Variants in NBEA observed in about 807,000 individuals in gnomAD.
The protein encoded by NBEA is neurobeachin, also known as lysosomal-trafficking regulator 2.
Under a neutral mutation model 343.4 loss-of-function variants are expected in NBEA, and 44 were observed. The observed-to-expected ratio is 0.13, with a 90% CI of 0.10 to 0.16. NBEA has a LOEUF of 0.16. Among genes scored for constraint, NBEA ranks in the 10% least tolerant of loss-of-function variants. The probability of loss-of-function intolerance (pLI) is 1.00; values close to 1 mark genes in which losing one functional copy is unlikely to be tolerated. For missense variants in NBEA, 2,555 were observed against 3,631.3 expected (o/e 0.70, Z 7.62); for synonymous variants, 1,175 against 1,238.7 (o/e 0.95, Z 1.08).
At chr13:35,366,725 T>A (rs2041140675) in intron 38 of NBEA, among the ~76,000 whole-genome samples, 1 of 150,648 alleles carries the variant, frequency 6.6e-6, no homozygotes, top group Admixed American at 6.6e-5. Context: ...ACTGAGGAAA[T>A]TGGAAAACTG....
At chr13:35,448,698 C>T (rs1011542155) in intron 39 of NBEA, among the ~76,000 whole-genome samples, 11 of 152,038 alleles carry the variant, frequency 7.2e-5, no homozygotes, top group African/African-American at 2.2e-4. Context: ...GCAGGGTTTA[C>T]GAGGTATGGT....
At chr13:35,077,750 T>C (rs2064183732) in intron 10 of NBEA, among the ~76,000 whole-genome samples, 1 of 152,198 alleles carries the variant, frequency 6.6e-6, no homozygotes, top group African/African-American at 2.4e-5. Flanking sequence ...ACTGGTTTCC[T>C]GTTGCCTCAG....
chr13:35,056,908 C>T (rs1417244642), intron 7 of NBEA, among the ~76,000 whole-genome samples: 4 of 151,954 alleles, frequency 2.6e-5, no homozygotes, highest in South Asian at 2.1e-4. Context: ...ATTACAGAAG[C>T]GGGAAGATCA....
chr13:35,604,339 T>C (rs536472646), intron 47 of NBEA, among the ~76,000 whole-genome samples: 44 of 152,282 alleles, frequency 2.9e-4, no homozygotes, highest in African/African-American at 1.0e-3. Flanking sequence ...CTCTTTTCCT[T>C]TTTCGTTGTG....
At chr13:35,054,435 C>CAT (rs2063173253) in intron 6 of NBEA, among the ~76,000 whole-genome samples, 1 of 151,912 alleles carries the variant, frequency 6.6e-6, no homozygotes, top group East Asian at 1.9e-4. Flanking sequence ...TCAGGGCTAA[C>CAT]ATATATGTTG....
chr13:35,200,833 T>C (rs1355862457), intron 31 of NBEA, among the ~76,000 whole-genome samples: 1 of 152,012 alleles, frequency 6.6e-6, no homozygotes, highest in Non-Finnish European at 1.5e-5. Flanking sequence ...ATTTTCTCTT[T>C]AGTTTCATTA....
rs373888650 is a variant in NBEA, at chr13:35,130,743, TAA to T, written c.2336+7171_2336+7172del. Reference sequence around the variant, plus strand: ...AACACACAAAACTATAGAAATTATTTAAATGAGACCATAAAGTAGGCTCAAGA... The same window carrying T: ...AACACACAAAACTATAGAAATTATTTATGAGACCATAAAGTAGGCTCAAGA... On this transcript the variant is annotated intron_variant, in intron 17 of 58. Coordinates refer to ENST00000379939, the MANE Select transcript of NBEA (RefSeq NM_001385012.1). Among the ~76,000 whole-genome samples, 1,014 of 152,056 alleles carry T rather than the reference TAA, an allele frequency of 6.7e-3. 16 individuals are homozygous for T. Among genetic ancestry groups the T allele is most frequent in the African/African-American group, 0.023 (935 of 41,540 alleles).
intron 45 of NBEA, among the ~76,000 whole-genome samples, chr13:35,575,822 T>A (rs990010173): frequency 6.6e-6 from 1 of 152,148 alleles, no homozygotes; most frequent in Non-Finnish European, 1.5e-5. Context: ...ACACAGTACA[T>A]CTGATTCTTC....
At chr13:35,102,272 A>AT (rs1438471833) in intron 11 of NBEA, among the ~76,000 whole-genome samples, 13 of 151,548 alleles carry the variant, frequency 8.6e-5, no homozygotes, top group Admixed American at 5.3e-4. Flanking sequence ...TATGACTGGG[A>AT]TTTTTTTTGT....
intron 17 of NBEA, 135 bp from the exon 18 acceptor site, chr13:35,142,134 T>C (rs1043553422): frequency 6.7e-5 from 33 of 492,800 alleles, no homozygotes; most frequent in African/African-American, 4.6e-4. Flanking sequence ...GTTGTTTCTA[T>C]AGATGGAAGT....
chr13:35,135,253 A>C (rs1003172178), intron 17 of NBEA, among the ~76,000 whole-genome samples: 4 of 152,090 alleles, frequency 2.6e-5, no homozygotes, highest in Non-Finnish European at 5.9e-5. Flanking sequence ...TTCTAGCCTC[A>C]AAATAAAATG....
At chr13:35,338,432 T>C (rs1334565176) in intron 36 of NBEA, among the ~76,000 whole-genome samples, 1 of 152,048 alleles carries the variant, frequency 6.6e-6, no homozygotes, top group Non-Finnish European at 1.5e-5. Context: ...AATCTGAGTA[T>C]TGCTGTAACA....
chr13:35,120,730 A>G (rs182585504), intron 16 of NBEA, among the ~76,000 whole-genome samples: 9 of 129,502 alleles, frequency 6.9e-5, no homozygotes, highest in Admixed American at 3.1e-4. Context: ...TGATGTTTTT[A>G]TATCTGGGAA....
chr13:35,006,493 T>C (rs541344868), intron 1 of NBEA, among the ~76,000 whole-genome samples: 81 of 150,922 alleles, frequency 5.4e-4, no homozygotes, highest in African/African-American at 1.7e-3. Context: ...ATCATTGTTA[T>C]TGATAAACAT....
chr13:35,297,644 C>T (rs1158585932), intron 35 of NBEA, among the ~76,000 whole-genome samples: 1 of 151,884 alleles, frequency 6.6e-6, no homozygotes, highest in Non-Finnish European at 1.5e-5. Flanking sequence ...TTCAATTATG[C>T]TACAAATTTA....
chr13:35,152,821 A>C (rs2152705393), intron 18 of NBEA, among the ~76,000 whole-genome samples: 1 of 152,184 alleles, frequency 6.6e-6, no homozygotes, highest in Non-Finnish European at 1.5e-5. Context: ...TGTTAAATAC[A>C]CATTGGTTTT....
At chr13:35,349,318 A>G in intron 37 of NBEA, 102 bp downstream of exon 37, 2 of 538,722 alleles carry the variant, frequency 3.7e-6, no homozygotes, top group Non-Finnish European at 3.3e-6. Context: ...GGAAAATTTC[A>G]CTGAAGGCAT....
intron 16 of NBEA, among the ~76,000 whole-genome samples, chr13:35,119,493 A>G (rs1265666999): frequency 6.6e-6 from 1 of 152,204 alleles, no homozygotes; most frequent in Admixed American, 6.5e-5. Flanking sequence ...CTCAGTTGTG[A>G]TATGAGTATT....
intron 55 of NBEA, among the ~76,000 whole-genome samples, chr13:35,659,727 T>TTATAA (rs776709505): frequency 1.8e-4 from 28 of 152,188 alleles, no homozygotes; most frequent in Non-Finnish European, 3.5e-4. Flanking sequence ...TTAATGTATT[T>TTATAA]TATAATATTA....
Sources: allele counts gnomAD v4.1 joint callset (sites outside exome capture counted in the v4.1 genomes callset), GRCh38; gene constraint gnomAD v4.1.1; transcripts MANE v1.5; gene names NCBI Gene and HGNC (gene_info 2026-07-23, HGNC 2026-07-21).